Variants in AMOTL1 observed in about 807,000 individuals in gnomAD.
AMOTL1 encodes angiomotin-like protein 1.
AMOTL1 carries 45 observed loss-of-function variants against 102.9 expected under a neutral mutation model. That is an observed-to-expected ratio of 0.44 (90% CI 0.34 to 0.56). The LOEUF (loss-of-function observed/expected upper bound fraction) is 0.56. Among genes scored for constraint, AMOTL1 ranks in the 20% least tolerant of loss-of-function variants. The pLI is 0.01. For synonymous variants in AMOTL1, 481 were observed against 484.7 expected, an observed-to-expected ratio of 0.99 and a Z score of 0.10; for missense variants, 1,114 against 1,225.6, an observed-to-expected ratio of 0.91 and a Z score of 1.36.
chr11:94,856,561 C>T (rs1183171835), intron 8 of AMOTL1, among the ~76,000 whole-genome samples: 1 of 152,150 alleles, frequency 6.6e-6, no homozygotes, highest in Non-Finnish European at 1.5e-5. Flanking sequence ...TCCAGGGCCT[C>T]TCTGATCCCC....
chr11:94,768,291 G>T, upstream of AMOTL1: 1 of 1,339,146 alleles, frequency 7.5e-7, no homozygotes. Context: ...TAGGGTTCTA[G>T]TGACGAGCCC....
intron 10 of AMOTL1, among the ~76,000 whole-genome samples, chr11:94,865,707 CTG>C (rs1371137938): frequency 6.6e-6 from 1 of 152,186 alleles, no homozygotes; most frequent in Admixed American, 6.5e-5. Context: ...GTCATTCTAA[CTG>C]TACCTCGCTG....
rs1952072412 is a variant in AMOTL1 at position 94,831,545 on chromosome 11, A to G, written c.1648+4A>G. 1 of 1,611,026 alleles carries G rather than the reference A, an allele frequency of 6.2e-7. No homozygotes were observed. The highest frequency in any genetic ancestry group is 8.5e-7 in the Non-Finnish European group (1 of 1,178,216). On this transcript the variant is annotated splice_donor_region_variant and intron_variant, in intron 6 of 12. Transcript: ENST00000433060. Reference sequence around the variant, plus strand: ...GAGGGGCATTATGCTTCCCAGAGTGAGTCTCCACTTATTTATTATCCCAAA... The same window carrying G: ...GAGGGGCATTATGCTTCCCAGAGTGGGTCTCCACTTATTTATTATCCCAAA...
At chr11:94,730,368 G>A (rs1383473627) in intron 2 of AMOTL1, among the ~76,000 whole-genome samples, 3 of 152,132 alleles carry the variant, frequency 2.0e-5, no homozygotes, top group African/African-American at 7.2e-5. Flanking sequence ...CACTTGGCCA[G>A]TTCCTACTCA....
chr11:94,729,123 C>A, intron 2 of AMOTL1: 1 of 1,137,202 alleles, frequency 8.8e-7, no homozygotes, highest in Non-Finnish European at 1.2e-6. Context: ...TATGTCAATC[C>A]ACTGTACTCA....
In AMOTL1 at chr11:94,821,694, A is replaced by C; in HGVS notation, c.1286A>C (p.Gln429Pro). ...QPPPAASPSQQLGPDAFAIVE... is the reference protein window; with the variant it reads ...QPPPAASPSQPLGPDAFAIVE... Reference sequence around the variant, plus strand: ...CCGCCTGCCGCCTCCCCCAGCCAGCAGCTTGGTCCAGATGCCTTTGCGATT... The same window carrying C: ...CCGCCTGCCGCCTCCCCCAGCCAGCCGCTTGGTCCAGATGCCTTTGCGATT... The change falls in exon 4 of 13, where the codon CAG becomes CCG. Residue 429 changes from glutamine (Q) to proline (P), a missense_variant. Transcript: ENST00000433060. 1 of 1,614,036 alleles carries C rather than the reference A, an allele frequency of 6.2e-7. No individual in the cohort carries two copies. The highest frequency in any genetic ancestry group is 8.5e-7 in the Non-Finnish European group (1 of 1,179,898).
At chr11:94,845,347 C>T (rs1001221588) in intron 6 of AMOTL1, among the ~76,000 whole-genome samples, 7 of 152,184 alleles carry the variant, frequency 4.6e-5, no homozygotes, top group Admixed American at 1.3e-4. Context: ...GACTAACGTA[C>T]GGGTGGAGAC....
At position 94,840,691 on chromosome 11, in the gene AMOTL1, C is replaced by T. The variant is rs1340713144; in HGVS notation, c.1648+9150C>T. Among the ~76,000 whole-genome samples the T allele has an allele frequency of 3.7e-3, 525 of 140,572 alleles. 2 individuals are homozygous for T. The highest frequency in any genetic ancestry group is 0.014 in the African/African-American group (491 of 34,818). The allele number at this position is 140,572 out of a possible 152,430, so 92.2% of individuals were successfully genotyped here. A position where few individuals can be genotyped will look rare whatever the true frequency, so the allele number is the denominator to read the frequency against. On this transcript the variant is annotated intron_variant, in intron 6 of 12. Coordinates refer to ENST00000433060, the MANE Select transcript of AMOTL1 (RefSeq NM_130847.3). ...ATATATATATATATATACACACACA[C>T]ACACACACACACACACATATATATA...
intron 10 of AMOTL1, 25 bp from the exon 11 acceptor site, chr11:94,865,917 G>A: frequency 6.3e-7 from 1 of 1,594,988 alleles, no homozygotes; most frequent in Non-Finnish European, 8.6e-7. Flanking sequence ...GCTTTTTATG[G>A]AGACTGTTTT....
At chr11:94,712,979 C>G (rs1214663609) in intron 1 of AMOTL1, among the ~76,000 whole-genome samples, 1 of 151,752 alleles carries the variant, frequency 6.6e-6, no homozygotes, top group African/African-American at 2.4e-5. Context: ...ACATTTAGGT[C>G]TTTAATCTAT....
intron 4 of AMOTL1, among the ~76,000 whole-genome samples, chr11:94,825,980 T>C (rs972338963): frequency 3.1e-4 from 47 of 152,164 alleles, no homozygotes; most frequent in Non-Finnish European, 6.6e-4. Context: ...TGTTTCTTTA[T>C]GTTAAGTCAA....
At chr11:94,732,645 T>C (rs1950372648) in intron 2 of AMOTL1, among the ~76,000 whole-genome samples, 1 of 152,152 alleles carries the variant, frequency 6.6e-6, no homozygotes, top group Non-Finnish European at 1.5e-5. Flanking sequence ...CCATATCAAG[T>C]ATGTGGGGAT....
intron 3 of AMOTL1, among the ~76,000 whole-genome samples, chr11:94,804,965 A>G (rs1951544306): frequency 6.6e-6 from 1 of 152,198 alleles, no homozygotes. Context: ...TATTATTATC[A>G]CAATTTTTAC....
chr11:94,846,426 T>A (rs918972208), intron 6 of AMOTL1, among the ~76,000 whole-genome samples: 1 of 152,220 alleles, frequency 6.6e-6, no homozygotes, highest in African/African-American at 2.4e-5. Flanking sequence ...TAGGTACTAT[T>A]GTGATGCTTA....
chr11:94,870,756 C>T lies in AMOTL1; in HGVS notation c.2832C>T (p.Pro944=), dbSNP rs745927987. The T allele has an allele frequency of 1.2e-5, 19 of 1,602,614 alleles. No homozygotes were observed. Among genetic ancestry groups the T allele is most frequent in the South Asian group, 6.8e-5 (6 of 88,668 alleles). ...RGRVSSLLHK[P]EFPDGEMMEV... is the part of the protein sequence containing the mutation. ...GGGTCAGCAGCTTGCTGCACAAGCCCGAGTTCCCTGATGGAGAGATGATGG... is the reference window on the plus strand; with the variant it reads ...GGGTCAGCAGCTTGCTGCACAAGCCTGAGTTCCCTGATGGAGAGATGATGG... Residue 944 remains proline (P), a synonymous_variant, in exon 13 of 13, where the codon CCC becomes CCT. Coordinates refer to ENST00000433060, the MANE Select transcript of AMOTL1 (RefSeq NM_130847.3).
chr11:94,711,592 T>C (rs1591877984), intron 1 of AMOTL1, among the ~76,000 whole-genome samples: 1 of 152,250 alleles, frequency 6.6e-6, no homozygotes, highest in Non-Finnish European at 1.5e-5. Flanking sequence ...TACTTCCCTT[T>C]TAAAGCCATG....
At chr11:94,832,000 C>G (rs544696307) in intron 6 of AMOTL1, among the ~76,000 whole-genome samples, 1 of 152,284 alleles carries the variant, frequency 6.6e-6, no homozygotes, top group East Asian at 1.9e-4. Context: ...TTATATATCT[C>G]CATGTGTAAC....
chr11:94,726,430 C>A (rs1165575850), intron 1 of AMOTL1, among the ~76,000 whole-genome samples: 1 of 152,042 alleles, frequency 6.6e-6, no homozygotes, highest in East Asian at 1.9e-4. Context: ...TTCCATAGAC[C>A]CCAATGTCCA....
At chr11:94,753,448 A>G (rs529713794) in intron 3 of AMOTL1, among the ~76,000 whole-genome samples, 5 of 152,308 alleles carry the variant, frequency 3.3e-5, no homozygotes, top group East Asian at 3.9e-4. Flanking sequence ...AAAATAAATT[A>G]CAAATAGCTT....
Sources: allele counts gnomAD v4.1 joint callset (sites outside exome capture counted in the v4.1 genomes callset), GRCh38; gene constraint gnomAD v4.1.1; transcripts MANE v1.5; gene names NCBI Gene and HGNC (gene_info 2026-07-23, HGNC 2026-07-21).